Variants in ABCC3 observed in about 807,000 individuals in gnomAD.
ABCC3 encodes ATP-binding cassette sub-family C member 3.
A neutral mutation model predicts 165.3 loss-of-function variants in ABCC3; 121 were observed. That is an observed-to-expected ratio of 0.73 (90% CI 0.63 to 0.85). The LOEUF is 0.85. Among genes scored for constraint, ABCC3 ranks in the 40% least tolerant of loss-of-function variants. The pLI, the probability that ABCC3 is intolerant of heterozygous loss-of-function variation, is 0.00. For missense variants in ABCC3, 1,869 were observed against 1,964.1 expected (o/e 0.95, Z 0.92); for synonymous variants, 733 against 810.1 (o/e 0.90, Z 1.62).
At chr17:50,635,605 C>G in intron 1 of ABCC3, 1 of 702,548 alleles carries the variant, frequency 1.4e-6, no homozygotes. Flanking sequence ...GAGACAGGTG[C>G]AGGGTGTCAG....
rs553331843 is a variant in ABCC3 at position 50,687,344 on chromosome 17, C to T, written c.4281-192C>T. ...AATGCCTTTTAGCACTGGCTCATTC[C>T]CCAAGGCCCCTCATTATCCCAATGG... On this transcript the variant is annotated intron_variant, in intron 29 of 30. Transcript: ENST00000285238. 1.6e-3 allele frequency: 924 copies of T among 593,544 alleles called. 3 individuals are homozygous for T. Among genetic ancestry groups the T allele is most frequent in the Non-Finnish European group, 2.5e-3 (831 of 338,032 alleles). 36.8% of individuals were successfully genotyped at this position (593,544 alleles called of 1,614,324 possible).
intron 20 of ABCC3, 26 bp downstream of exon 20, chr17:50,675,502 T>C (rs1967781028): frequency 6.2e-7 from 1 of 1,604,940 alleles, no homozygotes; most frequent in Non-Finnish European, 8.5e-7. Context: ...CTCCCAGCCC[T>C]CCCGGAGGCT....
chr17:50,648,437 C>A (rs1285325265), intron 1 of ABCC3, among the ~76,000 whole-genome samples: 1 of 152,190 alleles, frequency 6.6e-6, no homozygotes, highest in African/African-American at 2.4e-5. Context: ...AAATTCCAGC[C>A]ACCTCACAGA....
chr17:50,648,339 G>A (rs1168944165), intron 1 of ABCC3, among the ~76,000 whole-genome samples: 1 of 152,180 alleles, frequency 6.6e-6, no homozygotes, highest in African/African-American at 2.4e-5. Context: ...AAGGGGAAGA[G>A]CAGGGCTGAA....
At chr17:50,642,301 G>C (rs957722493) in intron 1 of ABCC3, among the ~76,000 whole-genome samples, 3 of 152,232 alleles carry the variant, frequency 2.0e-5, no homozygotes, top group Non-Finnish European at 4.4e-5. Context: ...GGGAGTTAGG[G>C]GTGAGGGCCT....
In ABCC3 at chr17:50,665,262, G is replaced by T. The variant is rs2146617284; in HGVS notation, c.1431+17G>T. The T allele has an allele frequency of 5.6e-6, 9 of 1,613,382 alleles. No individual in the cohort carries two copies. The South Asian group carries it at 9.9e-5, about 18-fold the overall frequency. ...GCCTTCCAGGTAGGTGCTGTCAGAG[G>T]TGCATCCTCCTGCCTGCAGCACCCG... On this transcript the variant is annotated intron_variant, in intron 11 of 30. Transcript: ENST00000285238.
In ABCC3 at chr17:50,675,349, C is replaced by G; in HGVS notation, c.2600-13C>G. 6.3e-7 allele frequency: 1 copy of G among 1,594,198 alleles called. No homozygotes were observed. Among genetic ancestry groups the G allele is most frequent in the South Asian group, 1.1e-5 (1 of 88,626 alleles). ...TAGCTGAACCCTATCTCCTTCCTCC[C>G]ACCCTACTGCAGCGTTGGAAGGTGC... On this transcript the variant is annotated splice_polypyrimidine_tract_variant and intron_variant, in intron 19 of 30. Transcript: ENST00000285238.
rs529226310 is a variant in ABCC3 at position 50,677,373 on chromosome 17, T to A, written c.3379-371T>A. On this transcript the variant is annotated intron_variant, in intron 23 of 30. Coordinates refer to ENST00000285238, the MANE Select transcript of ABCC3 (RefSeq NM_003786.4). Reference sequence around the variant, plus strand: ...TCCTGTTCTGTAATGAATTAGTCAGTTCCCGGGGATAGATGCTCAACACCT... The same window carrying A: ...TCCTGTTCTGTAATGAATTAGTCAGATCCCGGGGATAGATGCTCAACACCT... Among the ~76,000 whole-genome samples the A allele has an allele frequency of 1.2e-4, 18 of 152,340 alleles. No homozygotes were observed. In the South Asian group the frequency reaches 3.7e-3, roughly 32 times the overall value.
At chr17:50,678,531 T>C (rs1967872894) in intron 25 of ABCC3, among the ~76,000 whole-genome samples, 1 of 152,214 alleles carries the variant, frequency 6.6e-6, no homozygotes, top group African/African-American at 2.4e-5. Context: ...CGACCTTGCC[T>C]GACACCTCAC....
chr17:50,661,640 C>T (rs1477622655), intron 8 of ABCC3, among the ~76,000 whole-genome samples: 1 of 152,208 alleles, frequency 6.6e-6, no homozygotes, highest in Non-Finnish European at 1.5e-5. Flanking sequence ...CCTTGCCCCT[C>T]CGTGCATGCA....
chr17:50,636,770 C>A (rs2054184594), intron 1 of ABCC3, among the ~76,000 whole-genome samples: 1 of 152,236 alleles, frequency 6.6e-6, no homozygotes, highest in Non-Finnish European at 1.5e-5. Context: ...AAATTCAGGA[C>A]TCCCTTTTTG....
chr17:50,665,294 T>G, intron 11 of ABCC3, 49 bp downstream of exon 11: 2 of 1,562,836 alleles, frequency 1.3e-6, no homozygotes, highest in Non-Finnish European at 1.8e-6. Context: ...CCCGGCCGGC[T>G]GCCTGGGGGA....
intron 24 of ABCC3, 50 bp from the exon 25 acceptor site, chr17:50,678,043 T>G (rs1488660342): frequency 2.5e-6 from 4 of 1,614,020 alleles, no homozygotes; most frequent in Non-Finnish European, 3.4e-6. Context: ...AGCAGAAAAC[T>G]GGCCCTGCCC....
intron 25 of ABCC3, 88 bp from the exon 26 acceptor site, chr17:50,679,710 C>CACAT: frequency 8.0e-7 from 1 of 1,250,646 alleles, no homozygotes; most frequent in Non-Finnish European, 1.2e-6. Flanking sequence ...CATGGATGGG[C>CACAT]ACATGATCCA....
intron 1 of ABCC3, chr17:50,635,338 A>C (rs2054169372): frequency 4.8e-6 from 3 of 630,696 alleles, no homozygotes; most frequent in East Asian, 5.5e-5. Context: ...TTTCGCAATC[A>C]GCCGCGGGTT....
intron 17 of ABCC3, among the ~76,000 whole-genome samples, chr17:50,669,850 C>T (rs1361330457): frequency 2.0e-5 from 3 of 152,040 alleles, no homozygotes; most frequent in Non-Finnish European, 4.4e-5. Flanking sequence ...GGATGGAGTG[C>T]CATGGTGACA....
intron 3 of ABCC3, 102 bp from the exon 4 acceptor site, chr17:50,656,944 A>C (rs995735161): frequency 1.3e-6 from 2 of 1,549,578 alleles, no homozygotes; most frequent in Admixed American, 2.0e-5. Context: ...GGGAAGAAGA[A>C]GGGGGTGGCC....
At position 50,691,523 on chromosome 17, in the gene ABCC3, G is replaced by T. The variant is rs1024393606; in HGVS notation, c.*323G>T. The T allele has an allele frequency of 4.9e-6, 1 of 205,364 alleles. No homozygotes were observed. Among genetic ancestry groups the T allele is most frequent in the Non-Finnish European group, 1.0e-5 (1 of 100,348 alleles). The allele number at this position is 205,364 out of a possible 1,614,324, so 12.7% of individuals were successfully genotyped here. A position where few individuals can be genotyped will look rare whatever the true frequency, so the allele number is the denominator to read the frequency against. Reference sequence around the variant, plus strand: ...ATGAAATGACCTCTGTCCTCCCTCTGATTTTTCATATTTTCTAAAGTTTCG... The same window carrying T: ...ATGAAATGACCTCTGTCCTCCCTCTTATTTTTCATATTTTCTAAAGTTTCG... On this transcript the variant is annotated 3_prime_UTR_variant, in exon 31 of 31. Transcript: ENST00000285238.
chr17:50,680,656 A>G (rs1009857314), intron 26 of ABCC3, among the ~76,000 whole-genome samples: 1 of 151,918 alleles, frequency 6.6e-6, no homozygotes, highest in African/African-American at 2.4e-5. Context: ...TCTATGCTCC[A>G]CCAACACAAA....
Sources: gnomAD v4.1 joint callset for allele counts (sites outside exome capture counted in the v4.1 genomes callset) on GRCh38, gnomAD v4.1.1 for gene constraint, MANE v1.5 for transcripts, NCBI Gene and HGNC (gene_info 2026-07-23, HGNC 2026-07-21) for gene names.